Variants in NUBPL observed in about 807,000 individuals in gnomAD.
NUBPL encodes NUBP iron-sulfur cluster assembly factor, mitochondrial.
Under a neutral mutation model 45.7 loss-of-function variants are expected in NUBPL, and 31 were observed. That is an observed-to-expected ratio of 0.68 (90% CI 0.51 to 0.92). The LOEUF is 0.92. Ranked by LOEUF, NUBPL falls within the 40% of genes least tolerant of loss-of-function variation. NUBPL has a pLI of 0.00. For synonymous variants in NUBPL, 144 were observed against 140.9 expected (o/e 1.02, Z -0.15); for missense variants, 401 against 398.7 (o/e 1.01, Z -0.05).
intron 6 of NUBPL, among the ~76,000 whole-genome samples, chr14:31,685,438 G>A (rs1352719304): frequency 6.6e-6 from 1 of 152,016 alleles, no homozygotes; most frequent in Non-Finnish European, 1.5e-5. Flanking sequence ...AAGAATTTGG[G>A]GGCTGGGTGA....
intron 4 of NUBPL, among the ~76,000 whole-genome samples, chr14:31,627,719 T>C (rs1818053225): frequency 6.8e-6 from 1 of 147,880 alleles, no homozygotes; most frequent in African/African-American, 2.5e-5. Context: ...TGAGCTGAGA[T>C]CGTGCCACTG....
chr14:31,631,782 A>G (rs182482068), intron 4 of NUBPL, among the ~76,000 whole-genome samples: 24 of 152,072 alleles, frequency 1.6e-4, no homozygotes, highest in Admixed American at 1.4e-3. Context: ...TTTTCTATTC[A>G]GGGCTTCAAT....
chr14:31,808,634 G>A (rs71491018), intron 7 of NUBPL, among the ~76,000 whole-genome samples: 1,595 of 152,224 alleles, frequency 0.01, 25 homozygotes, highest in African/African-American at 0.037. Context: ...TGATTGCCCT[G>A]GCCAGAACTT....
At chr14:31,804,464 C>T (rs966379283) in intron 7 of NUBPL, among the ~76,000 whole-genome samples, 2 of 152,140 alleles carry the variant, frequency 1.3e-5, no homozygotes, top group Admixed American at 6.6e-5. Context: ...TCTAGACCAA[C>T]CCATCTGATG....
At chr14:31,636,249 T>C (rs1348486568) in intron 4 of NUBPL, among the ~76,000 whole-genome samples, 6 of 152,020 alleles carry the variant, frequency 3.9e-5, no homozygotes, top group Non-Finnish European at 8.8e-5. Context: ...GCTCTTATTA[T>C]TTTGAGATAC....
chr14:31,691,531 AC>A (rs1253251710), intron 6 of NUBPL, among the ~76,000 whole-genome samples: 1 of 152,152 alleles, frequency 6.6e-6, no homozygotes, highest in Non-Finnish European at 1.5e-5. Flanking sequence ...AAATCTGGTA[AC>A]CCTAGATGGA....
chr14:31,763,283 T>C (rs181748188), intron 6 of NUBPL, among the ~76,000 whole-genome samples: 19 of 152,312 alleles, frequency 1.2e-4, no homozygotes, highest in Admixed American at 1.1e-3. Context: ...CATCCATGTA[T>C]GCCTGGCACT....
At chr14:31,637,806 C>T (rs2035551478) in intron 4 of NUBPL, among the ~76,000 whole-genome samples, 1 of 152,136 alleles carries the variant, frequency 6.6e-6, no homozygotes, top group African/African-American at 2.4e-5. Flanking sequence ...AGATAGTTAG[C>T]TCTTCTTGTT....
At chr14:31,660,138 G>T (rs575115230) in intron 4 of NUBPL, among the ~76,000 whole-genome samples, 5 of 152,192 alleles carry the variant, frequency 3.3e-5, no homozygotes, top group African/African-American at 1.2e-4. Context: ...TCCACTTTTA[G>T]ATACAGCATT....
chr14:31,707,940 G>A (rs1280447795), intron 6 of NUBPL, among the ~76,000 whole-genome samples: 1 of 152,190 alleles, frequency 6.6e-6, no homozygotes, highest in African/African-American at 2.4e-5. Flanking sequence ...GGGCAAGACT[G>A]TCCACATAAG....
At chr14:31,750,868 A>C (rs1452939941) in intron 6 of NUBPL, among the ~76,000 whole-genome samples, 1 of 152,196 alleles carries the variant, frequency 6.6e-6, no homozygotes, top group Non-Finnish European at 1.5e-5. Flanking sequence ...TAATTTATGA[A>C]GAAAAAAGGT....
At chr14:31,638,148 T>C (rs1326064130) in intron 4 of NUBPL, among the ~76,000 whole-genome samples, 2 of 152,166 alleles carry the variant, frequency 1.3e-5, no homozygotes, top group Non-Finnish European at 2.9e-5. Flanking sequence ...TAGCTGCTTA[T>C]TTTGCTTGTT....
chr14:31,565,949 TA>T (rs766711384), intron 3 of NUBPL, among the ~76,000 whole-genome samples: 42 of 151,902 alleles, frequency 2.8e-4, no homozygotes, highest in African/African-American at 8.2e-4. Flanking sequence ...TTTTAGATAT[TA>T]AAAAAAATAA....
chr14:31,768,005 G>C (rs1233304692), intron 6 of NUBPL, among the ~76,000 whole-genome samples: 2 of 152,150 alleles, frequency 1.3e-5, no homozygotes, highest in Non-Finnish European at 2.9e-5. Flanking sequence ...AAAGTTTGTT[G>C]GATCTGCATT....
chr14:31,601,277 C>A (rs1455913542), intron 4 of NUBPL, among the ~76,000 whole-genome samples: 1 of 152,078 alleles, frequency 6.6e-6, no homozygotes, highest in Non-Finnish European at 1.5e-5. Context: ...GTAGTTTTTT[C>A]CAATTCTGTG....
intron 4 of NUBPL, among the ~76,000 whole-genome samples, chr14:31,636,875 C>A (rs965357653): frequency 1.3e-5 from 2 of 152,154 alleles, no homozygotes; most frequent in African/African-American, 4.8e-5. Context: ...AGTTTATTTG[C>A]ATAGAGTTGT....
At chr14:31,563,160 T>C (rs1259496330) in intron 2 of NUBPL, among the ~76,000 whole-genome samples, 4 of 152,212 alleles carry the variant, frequency 2.6e-5, no homozygotes, top group African/African-American at 9.6e-5. Context: ...TTAGAAGCTC[T>C]TAGTTTTTGG....
chr14:31,636,186 C>T (rs1326948280), intron 4 of NUBPL, among the ~76,000 whole-genome samples: 1 of 152,026 alleles, frequency 6.6e-6, no homozygotes, highest in Non-Finnish European at 1.5e-5. Flanking sequence ...AAAGGGAATG[C>T]TTCCAGTTTT....
chr14:31,658,851 A>G (rs1265452421), intron 4 of NUBPL, among the ~76,000 whole-genome samples: 1 of 152,158 alleles, frequency 6.6e-6, no homozygotes, highest in Non-Finnish European at 1.5e-5. Context: ...TGTTTACAGA[A>G]TTGTTTTGGA....
Sources: gnomAD v4.1 joint callset for allele counts (sites outside exome capture counted in the v4.1 genomes callset) on GRCh38, gnomAD v4.1.1 for gene constraint, MANE v1.5 for transcripts, NCBI Gene and HGNC (gene_info 2026-07-23, HGNC 2026-07-21) for gene names.